The following PPIL2 variants were observed in gnomAD, a reference collection of about 807,000 sequenced individuals.
The protein encoded by PPIL2 is RING-type E3 ubiquitin-protein ligase PPIL2.
A neutral mutation model predicts 75.2 loss-of-function variants in PPIL2; 50 were observed. That is an observed-to-expected ratio of 0.66 (90% CI 0.53 to 0.84). PPIL2 has a LOEUF of 0.84. Among genes scored for constraint, PPIL2 ranks in the 40% least tolerant of loss-of-function variants. PPIL2 has a pLI of 0.00. For synonymous variants in PPIL2, 245 were observed against 258.8 expected (o/e 0.95, Z 0.51); for missense variants, 590 against 685.0 (o/e 0.86, Z 1.55).
chr22:21,671,149 CT>C, intron 4 of PPIL2, 90 bp downstream of exon 4: 1 of 1,281,918 alleles, frequency 7.8e-7, no homozygotes, highest in Non-Finnish European at 1.1e-6. Context: ...GGGTAGGGCT[CT>C]TGGGCACACA....
In PPIL2 at chr22:21,669,973, C is replaced by T; in HGVS notation, c.82+11C>T. 2 of 1,611,188 alleles carry T rather than the reference C, an allele frequency of 1.2e-6. No homozygotes were observed. Among genetic ancestry groups the T allele is most frequent in the Non-Finnish European group, 1.7e-6 (2 of 1,177,284 alleles). Reference sequence around the variant, plus strand: ...GTGGCAAGAAGCCAGGTAAGGCATGCAGTCTTTCTGTTCCCCGTTGGGGGA... The same window carrying T: ...GTGGCAAGAAGCCAGGTAAGGCATGTAGTCTTTCTGTTCCCCGTTGGGGGA... On this transcript the variant is annotated intron_variant, in intron 2 of 19. Transcript: ENST00000398831.
chr22:21,693,080 C>T (rs1000284225), intron 15 of PPIL2, among the ~76,000 whole-genome samples: 1 of 152,008 alleles, frequency 6.6e-6, no homozygotes, highest in Non-Finnish European at 1.5e-5. Context: ...TTGAGACAGA[C>T]TCTGTCGCCC....
chr22:21,682,260 C>G (rs1272646363), intron 7 of PPIL2, among the ~76,000 whole-genome samples, 177 bp from the exon 8 acceptor site: 3 of 152,194 alleles, frequency 2.0e-5, no homozygotes, highest in Non-Finnish European at 1.5e-5. Context: ...GCCCAGCCAG[C>G]TCCGCCTCTG....
rs926615851 is a variant in PPIL2 at position 21,697,804 on chromosome 22, T to C, written c.*2314T>C. On this transcript the variant is annotated 3_prime_UTR_variant, in exon 20 of 20. Transcript: ENST00000398831. ...AAATGAAGGTTTACATTTCTGTAGT[T>C]TGTTTGTTTTAGAGCTTAATTTGTA... is the stretch of plus-strand genomic sequence containing the variant. 6.6e-6 allele frequency: 1 copy of C among 152,340 alleles called. No individual in the cohort carries two copies. The highest frequency in any genetic ancestry group is 2.4e-5 in the African/African-American group (1 of 41,458). 9.4% of individuals were successfully genotyped at this position (152,340 alleles called of 1,614,324 possible).
chr22:21,693,204 C>T (rs984534316), intron 15 of PPIL2, among the ~76,000 whole-genome samples: 4 of 151,978 alleles, frequency 2.6e-5, no homozygotes, highest in Admixed American at 2.0e-4. Flanking sequence ...CACGCCACCA[C>T]GCCCAGCTAA....
intron 4 of PPIL2, among the ~76,000 whole-genome samples, chr22:21,671,435 A>G (rs1413977957): frequency 6.6e-6 from 1 of 152,252 alleles, no homozygotes; most frequent in African/African-American, 2.4e-5. Flanking sequence ...TTGTAGTAAC[A>G]TGATTGAGAT....
In PPIL2 at chr22:21,694,975, G is replaced by A. The variant is rs754866303; in HGVS notation, c.1371G>A (p.Pro457=). ...QERKTQLKVA[P]ETKVKSSQPQ... ...GGAAGACACAGCTCAAGGTAGCCCC[G>A]GAGACCAAAGTGAAGAGCAGCCAGC... is the stretch of plus-strand genomic sequence containing the variant. Residue 457 remains proline, a synonymous_variant, in exon 19 of 20, where the codon CCG becomes CCA. Coordinates refer to ENST00000398831, the MANE Select transcript of PPIL2 (RefSeq NM_014337.4). The A allele has an allele frequency of 5.6e-6, 9 of 1,613,828 alleles. No homozygotes were observed. Among genetic ancestry groups the A allele is most frequent in the East Asian group, 4.5e-5 (2 of 44,880 alleles).
chr22:21,669,026 T>C (rs1187676323), intron 1 of PPIL2, among the ~76,000 whole-genome samples: 1 of 151,716 alleles, frequency 6.6e-6, no homozygotes, highest in African/African-American at 2.4e-5. Flanking sequence ...TTTTTTTTTT[T>C]TTTTTAGTAG....
rs887778281 is a variant in PPIL2 at position 21,696,787 on chromosome 22, A to G, written c.*1297A>G. Reference sequence around the variant, plus strand: ...ACCTCTGCCCTTCCTTTTCTCATCAATCACTGATGCTGAAGCTGCAGGCCT... The same window carrying G: ...ACCTCTGCCCTTCCTTTTCTCATCAGTCACTGATGCTGAAGCTGCAGGCCT... On this transcript the variant is annotated 3_prime_UTR_variant, in exon 20 of 20. Transcript: ENST00000398831. 15 of 1,548,330 alleles carry G rather than the reference A, an allele frequency of 9.7e-6. No individual in the cohort carries two copies. Among genetic ancestry groups the G allele is most frequent in the South Asian group, 4.8e-5 (4 of 84,062 alleles).
intron 7 of PPIL2, 62 bp downstream of exon 7, chr22:21,681,452 T>A: frequency 7.0e-7 from 1 of 1,437,206 alleles, no homozygotes; most frequent in Non-Finnish European, 9.8e-7. Flanking sequence ...GTGTTCCTAG[T>A]ATACACTGGC....
At position 21,687,666 on chromosome 22, in the gene PPIL2, C is replaced by T; in HGVS notation, c.921C>T (p.Phe307=). Residue 307 remains phenylalanine (F), a synonymous_variant, in exon 13 of 20, where the codon TTC becomes TTT. Coordinates refer to ENST00000398831, the MANE Select transcript of PPIL2 (RefSeq NM_014337.4). The stretch of plus-strand genomic sequence containing the variant: ...AGACACCAAAAACCTGCGAAAACTT[C>T]ATCAGGCTTTGCAAGAAGCATTATT... ...CDLTPKTCEN[F]IRLCKKHYYD... is the part of the protein sequence containing the mutation. The T allele has an allele frequency of 2.0e-6, 3 of 1,496,538 alleles. No individual in the cohort carries two copies. The highest frequency in any genetic ancestry group is 1.4e-5 in the African/African-American group (1 of 70,808). 92.7% of individuals were successfully genotyped at this position (1,496,538 alleles called of 1,614,324 possible).
In PPIL2 at chr22:21,682,870, G is replaced by A. The variant is rs1196757991; in HGVS notation, c.478-312G>A. 2.0e-5 allele frequency among the ~76,000 whole-genome samples: 3 copies of A among 152,362 alleles called. No individual in the cohort carries two copies. The East Asian group carries it at 5.8e-4, about 29-fold the overall frequency. ...GCTTGTCCCATTCTAACCAGAGGTCGGCCCACGGCTGCCCACGTTCCGGTC... is the reference window on the plus strand; with the variant it reads ...GCTTGTCCCATTCTAACCAGAGGTCAGCCCACGGCTGCCCACGTTCCGGTC... On this transcript the variant is annotated intron_variant, in intron 8 of 19. Coordinates refer to ENST00000398831, the MANE Select transcript of PPIL2 (RefSeq NM_014337.4).
rs1491214826 is a variant in PPIL2, at chr22:21,676,278, G to GTGTGTGTGTC, written c.295+1164_295+1165insGTGTGTGTCT. 2.7e-3 allele frequency among the ~76,000 whole-genome samples: 389 copies of GTGTGTGTGTC among 142,574 alleles called. 7 individuals carry two copies. The highest frequency in any genetic ancestry group is 8.9e-4 in the Non-Finnish European group (58 of 65,432). The allele number at this position is 142,574 out of a possible 152,430, so 93.5% of individuals were successfully genotyped here. ...TGTGTGTGTGTGTGTGTGTGTGTGTGTCTCATTCAGCAAATATTTATTTAT... is the reference window on the plus strand; with the variant it reads ...TGTGTGTGTGTGTGTGTGTGTGTGTGTGTGTGTGTCTCTCATTCAGCAAATATTTATTTAT... On this transcript the variant is annotated intron_variant, in intron 6 of 19. Transcript: ENST00000398831.
chr22:21,676,616 C>T (rs1244254905), intron 6 of PPIL2, among the ~76,000 whole-genome samples: 6 of 151,776 alleles, frequency 4.0e-5, no homozygotes, highest in East Asian at 1.9e-4. Flanking sequence ...CATCTTGCAC[C>T]GCCCTTAATC....
chr22:21,666,234 C>T (rs2148488522), intron 1 of PPIL2, 103 bp downstream of exon 1: 2 of 1,362,800 alleles, frequency 1.5e-6, no homozygotes, highest in Non-Finnish European at 1.0e-6. Context: ...CTCCCCAGAG[C>T]ACAGCCCAAA....
chr22:21,694,021 C>T (rs1427968611), intron 16 of PPIL2, 149 bp downstream of exon 16: 10 of 888,478 alleles, frequency 1.1e-5, no homozygotes, highest in South Asian at 1.6e-5. Context: ...TGCAGAGCTG[C>T]GATGGAGGGT....
chr22:21,680,882 C>T (rs2067097480), intron 6 of PPIL2, among the ~76,000 whole-genome samples: 1 of 144,040 alleles, frequency 6.9e-6, no homozygotes, highest in African/African-American at 2.7e-5. Flanking sequence ...AGACAGTAGG[C>T]AGGCAAGGGG....
At chr22:21,687,940 G>A (rs548955354) in intron 13 of PPIL2, 133 bp from the exon 14 acceptor site, 2 of 1,244,994 alleles carry the variant, frequency 1.6e-6, no homozygotes, top group Admixed American at 3.6e-5. Flanking sequence ...AGGTGGCTGG[G>A]AGGGCCCCTC....
At chr22:21,692,300 C>T (rs992391305) in intron 15 of PPIL2, among the ~76,000 whole-genome samples, 23 of 151,924 alleles carry the variant, frequency 1.5e-4, no homozygotes, top group South Asian at 6.2e-4. Flanking sequence ...GGACTACAGG[C>T]GCCCGCCACA....
Sources: gnomAD v4.1 joint callset for allele counts (sites outside exome capture counted in the v4.1 genomes callset) on GRCh38, gnomAD v4.1.1 for gene constraint, MANE v1.5 for transcripts, NCBI Gene and HGNC (gene_info 2026-07-23, HGNC 2026-07-21) for gene names.